Variants in CPNE5 observed in about 807,000 individuals in gnomAD.
CPNE5 encodes the protein copine-5.
In CPNE5, 42 loss-of-function variants were observed where a neutral mutation model predicts 81.1. That is an observed-to-expected ratio of 0.52 (90% CI 0.40 to 0.67). The LOEUF is 0.67. Among genes scored for constraint, CPNE5 ranks in the 30% least tolerant of loss-of-function variants. The pLI is 0.00. For missense variants in CPNE5, 612 were observed against 815.5 expected, an observed-to-expected ratio of 0.75 and a Z score of 3.04; for synonymous variants, 313 against 321.5, an observed-to-expected ratio of 0.97 and a Z score of 0.28.
chr6:36,778,768 T>G, intron 9 of CPNE5, 86 bp downstream of exon 9: 1 of 939,504 alleles, frequency 1.1e-6, no homozygotes, highest in Non-Finnish European at 1.7e-6. Flanking sequence ...CAAGCCACCC[T>G]GCCTGGCAAG....
intron 3 of CPNE5, among the ~76,000 whole-genome samples, chr6:36,808,057 G>C (rs577876709): frequency 6.6e-6 from 1 of 152,194 alleles, no homozygotes; most frequent in Non-Finnish European, 1.5e-5. Context: ...AGCCCAGGAA[G>C]AGGTGCCCTC....
chr6:36,816,452 C>A (rs1771548812), intron 3 of CPNE5, among the ~76,000 whole-genome samples: 1 of 152,200 alleles, frequency 6.6e-6, no homozygotes. Context: ...TCATCCCTCC[C>A]AGGATTGGCT....
At chr6:36,783,647 G>T (rs1485777125) in intron 8 of CPNE5, among the ~76,000 whole-genome samples, 2 of 152,144 alleles carry the variant, frequency 1.3e-5, no homozygotes, top group South Asian at 4.1e-4. Flanking sequence ...GGGACCACAG[G>T]TGTGTGCCAC....
chr6:36,836,807 G>C (rs1397542748), intron 1 of CPNE5, among the ~76,000 whole-genome samples: 1 of 152,072 alleles, frequency 6.6e-6, no homozygotes, highest in Non-Finnish European at 1.5e-5. Flanking sequence ...CTGAGGCAGA[G>C]AGATGCATCT....
At chr6:36,753,551 CT>C (rs1477647515) in intron 13 of CPNE5, among the ~76,000 whole-genome samples, 1 of 152,248 alleles carries the variant, frequency 6.6e-6, no homozygotes, top group African/African-American at 2.4e-5. Context: ...CAGCTTCAGG[CT>C]TCCATGTGCC....
At chr6:36,829,151 A>C (rs929515442) in intron 1 of CPNE5, among the ~76,000 whole-genome samples, 8 of 152,100 alleles carry the variant, frequency 5.3e-5, no homozygotes, top group African/African-American at 1.9e-4. Context: ...GACTGGTTGC[A>C]TAGCCTTCCT....
At chr6:36,774,548 T>C (rs1297858472) in intron 10 of CPNE5, among the ~76,000 whole-genome samples, 1 of 152,206 alleles carries the variant, frequency 6.6e-6, no homozygotes, top group African/African-American at 2.4e-5. Flanking sequence ...GCTTCCCTGC[T>C]GCCATCTGCT....
intron 7 of CPNE5, chr6:36,792,501 C>T: frequency 1.2e-6 from 1 of 818,614 alleles, no homozygotes; most frequent in Non-Finnish European, 1.8e-6. Flanking sequence ...CAGCTGACCC[C>T]CAGCGTCCCG....
intron 8 of CPNE5, among the ~76,000 whole-genome samples, chr6:36,781,467 C>T (rs1374911403): frequency 2.0e-5 from 3 of 152,180 alleles, no homozygotes; most frequent in African/African-American, 7.2e-5. Context: ...TGCCTAAAGT[C>T]CTAGAGTGCA....
intron 10 of CPNE5, among the ~76,000 whole-genome samples, chr6:36,769,441 G>A (rs915148296): frequency 2.6e-5 from 4 of 152,198 alleles, no homozygotes; most frequent in Non-Finnish European, 4.4e-5. Context: ...CTGCCCCCAC[G>A]GCATACCAAC....
chr6:36,758,794 C>T (rs567621891), intron 12 of CPNE5, among the ~76,000 whole-genome samples: 22 of 152,054 alleles, frequency 1.4e-4, no homozygotes, highest in Non-Finnish European at 2.8e-4. Context: ...GGGAAGTTCA[C>T]GTGGGAGGTC....
intron 12 of CPNE5, 82 bp downstream of exon 12, chr6:36,762,835 A>G (rs1358225410): frequency 1.8e-6 from 2 of 1,105,016 alleles, no homozygotes; most frequent in African/African-American, 3.1e-5. Context: ...CCAAGCCCCC[A>G]GCCCAGTGCA....
chr6:36,821,570 G>A (rs1772054108), intron 3 of CPNE5, among the ~76,000 whole-genome samples: 1 of 152,170 alleles, frequency 6.6e-6, no homozygotes. Context: ...GAGTGGGGGT[G>A]GGGAGGGGAC....
Position 36,742,250 on chromosome 6 carries a change from T to C in CPNE5, c.*18A>G. Reference sequence around the variant, plus strand: ...TGGCCTCTCCCAGGCCCCAGCCACCTGCCTGCTGAGACCAGGTTCAGATGT... The same window carrying C: ...TGGCCTCTCCCAGGCCCCAGCCACCCGCCTGCTGAGACCAGGTTCAGATGT... On this transcript the variant is annotated 3_prime_UTR_variant, in exon 21 of 21. Transcript: ENST00000244751. 1 of 1,540,544 alleles carries C rather than the reference T, an allele frequency of 6.5e-7. No individual in the cohort carries two copies. Among genetic ancestry groups the C allele is most frequent in the Non-Finnish European group, 8.8e-7 (1 of 1,138,812 alleles).
chr6:36,784,684 G>A (rs2072946611), intron 8 of CPNE5, among the ~76,000 whole-genome samples: 1 of 152,184 alleles, frequency 6.6e-6, no homozygotes, highest in South Asian at 2.1e-4. Context: ...GTGCACAACT[G>A]TAGTCTCAGC....
intron 10 of CPNE5, among the ~76,000 whole-genome samples, chr6:36,771,836 C>T (rs1284488810): frequency 1.5e-5 from 2 of 133,890 alleles, no homozygotes; most frequent in East Asian, 2.1e-4. Context: ...GGCTGGGGGG[C>T]GGGGGGATAG....
At chr6:36,819,471 A>G (rs953110171) in intron 3 of CPNE5, among the ~76,000 whole-genome samples, 3 of 152,088 alleles carry the variant, frequency 2.0e-5, no homozygotes, top group African/African-American at 7.2e-5. Flanking sequence ...CATGAATAAA[A>G]TTCACCCCCT....
chr6:36,792,886 G>A (rs1769228306), intron 7 of CPNE5, among the ~76,000 whole-genome samples: 1 of 152,088 alleles, frequency 6.6e-6, no homozygotes, highest in Non-Finnish European at 1.5e-5. Flanking sequence ...GAGTCCCAGT[G>A]TAGTCAGGGG....
chr6:36,825,335 G>A (rs1426209442), intron 1 of CPNE5, among the ~76,000 whole-genome samples: 1 of 152,168 alleles, frequency 6.6e-6, no homozygotes, highest in Non-Finnish European at 1.5e-5. Flanking sequence ...CAGTCCCTGA[G>A]CAGATTCCTA....
Sources: allele counts gnomAD v4.1 joint callset (sites outside exome capture counted in the v4.1 genomes callset), GRCh38; gene constraint gnomAD v4.1.1; transcripts MANE v1.5; gene names NCBI Gene and HGNC (gene_info 2026-07-23, HGNC 2026-07-21).